ZNF804B: variants seen among roughly 807,000 people sequenced by gnomAD.
ZNF804B encodes zinc finger 804B.
In ZNF804B, 80 loss-of-function variants were observed where a neutral mutation model predicts 101.4. That is an observed-to-expected ratio of 0.79 (90% CI 0.66 to 0.95). The LOEUF (loss-of-function observed/expected upper bound fraction) is 0.95, where lower values mean the gene tolerates loss of function less well. ZNF804B is among the 40% of genes least tolerant of loss of function. The probability of loss-of-function intolerance (pLI) is 0.00; values close to 1 mark genes in which losing one functional copy is unlikely to be tolerated. For missense variants in ZNF804B, 1,673 were observed against 1,561.9 expected, an observed-to-expected ratio of 1.07 and a Z score of -1.20; for synonymous variants, 622 against 558.8, an observed-to-expected ratio of 1.11 and a Z score of -1.59.
At chr7:89,007,508 AAT>A (rs1468155559) in intron 1 of ZNF804B, among the ~76,000 whole-genome samples, 42 of 7,746 alleles carry the variant, frequency 5.4e-3, no homozygotes, top group African/African-American at 9.9e-3. Flanking sequence ...TAATACATAT[AAT>A]TATATATAAT....
intron 1 of ZNF804B, among the ~76,000 whole-genome samples, chr7:89,142,743 AT>A (rs901407295): frequency 6.6e-6 from 1 of 151,910 alleles, no homozygotes; most frequent in African/African-American, 2.4e-5. Context: ...GATGTTGGCT[AT>A]TTTTTTGTGC....
chr7:88,835,953 T>A (rs1454273993), intron 1 of ZNF804B, among the ~76,000 whole-genome samples: 3 of 151,958 alleles, frequency 2.0e-5, no homozygotes, highest in African/African-American at 4.8e-5. Context: ...GGATTAAATT[T>A]GAGTGAGCCA....
At chr7:89,316,524 A>C (rs1207511685) in intron 2 of ZNF804B, among the ~76,000 whole-genome samples, 1 of 152,278 alleles carries the variant, frequency 6.6e-6, no homozygotes, top group East Asian at 1.9e-4. Context: ...GAAAAGCCAC[A>C]AACGCAGAAA....
At chr7:88,889,570 G>C (rs1405218329) in intron 1 of ZNF804B, among the ~76,000 whole-genome samples, 2 of 152,140 alleles carry the variant, frequency 1.3e-5, no homozygotes, top group Non-Finnish European at 2.9e-5. Flanking sequence ...TGTGATGTTT[G>C]TTGGCCATTT....
rs543195651 is a variant in ZNF804B at position 88,779,422 on chromosome 7, C to T, written c.108+19338C>T. ...CTCACTGTCTGTTCTCTCCTTTTTCCGCTAGTAACTCCTGTGAATATTCTC... is the reference window on the plus strand; with the variant it reads ...CTCACTGTCTGTTCTCTCCTTTTTCTGCTAGTAACTCCTGTGAATATTCTC... On this transcript the variant is annotated intron_variant, in intron 1 of 3. Transcript: ENST00000333190. 7.6e-4 allele frequency among the ~76,000 whole-genome samples: 115 copies of T among 152,216 alleles called. 1 individual carries two copies. Among genetic ancestry groups the T allele is most frequent in the African/African-American group, 2.6e-3 (110 of 41,534 alleles).
At chr7:88,843,124 T>C (rs1183232431) in intron 1 of ZNF804B, among the ~76,000 whole-genome samples, 1 of 152,184 alleles carries the variant, frequency 6.6e-6, no homozygotes, top group Non-Finnish European at 1.5e-5. Context: ...AAAGTATCTT[T>C]TGGAAAATAC....
intron 1 of ZNF804B, among the ~76,000 whole-genome samples, chr7:89,014,290 C>A (rs1788506864): frequency 6.6e-6 from 1 of 151,830 alleles, no homozygotes; most frequent in Non-Finnish European, 1.5e-5. Context: ...TTTACGTTTC[C>A]CTGATGATTA....
chr7:89,048,209 C>CACAT (rs1270310172), intron 1 of ZNF804B, among the ~76,000 whole-genome samples: 1 of 150,080 alleles, frequency 6.7e-6, no homozygotes. Flanking sequence ...CACAAACACA[C>CACAT]ACACACACAC....
At position 88,809,912 on chromosome 7, in the gene ZNF804B, G is replaced by A. The variant is rs544383590; in HGVS notation, c.108+49828G>A. 3.9e-5 allele frequency among the ~76,000 whole-genome samples: 6 copies of A among 152,248 alleles called. No homozygotes were observed. In the South Asian group the frequency reaches 6.2e-4, roughly 16 times the overall value. On this transcript the variant is annotated intron_variant, in intron 1 of 3. Transcript: ENST00000333190. ...TTTCTGAGACCAAAGGCCAAGTAGC[G>A]ATGGACCAACCTGAGAAATTGCTCT... is the stretch of plus-strand genomic sequence containing the variant.
intron 1 of ZNF804B, among the ~76,000 whole-genome samples, chr7:88,970,175 T>C (rs1457010251): frequency 6.6e-6 from 1 of 151,702 alleles, no homozygotes; most frequent in African/African-American, 2.4e-5. Context: ...TTAAGTGACA[T>C]TATTGTATAA....
At chr7:88,997,435 T>G (rs1366616530) in intron 1 of ZNF804B, among the ~76,000 whole-genome samples, 1 of 152,148 alleles carries the variant, frequency 6.6e-6, no homozygotes, top group Non-Finnish European at 1.5e-5. Context: ...TATTTTTGTT[T>G]TATCATAGAA....
At chr7:89,144,505 A>G (rs190217770) in intron 1 of ZNF804B, among the ~76,000 whole-genome samples, 111 of 152,126 alleles carry the variant, frequency 7.3e-4, no homozygotes, top group South Asian at 2.7e-3. Context: ...AGTGGAACTA[A>G]TAGGAATGCA....
At chr7:88,868,769 C>A (rs989303418) in intron 1 of ZNF804B, among the ~76,000 whole-genome samples, 1 of 152,202 alleles carries the variant, frequency 6.6e-6, no homozygotes, top group Non-Finnish European at 1.5e-5. Context: ...GTAGTTGAAT[C>A]TGCTAAGTCA....
intron 1 of ZNF804B, among the ~76,000 whole-genome samples, chr7:89,128,945 G>T (rs546078995): frequency 1.3e-5 from 2 of 152,076 alleles, no homozygotes; most frequent in South Asian, 4.1e-4. Context: ...ATGTTTGGTT[G>T]AGTGTTTCTG....
intron 2 of ZNF804B, among the ~76,000 whole-genome samples, chr7:89,258,062 A>C (rs1334747337): frequency 1.3e-5 from 2 of 152,144 alleles, no homozygotes; most frequent in African/African-American, 2.4e-5. Context: ...CTGAAGACTG[A>C]ACATATTTGG....
chr7:88,843,947 A>T (rs1245002020), intron 1 of ZNF804B, among the ~76,000 whole-genome samples: 1 of 152,152 alleles, frequency 6.6e-6, no homozygotes, highest in Non-Finnish European at 1.5e-5. Flanking sequence ...GTTTATAAAG[A>T]TTAAAAAATT....
At chr7:88,780,058 C>G (rs1790199760) in intron 1 of ZNF804B, among the ~76,000 whole-genome samples, 1 of 151,936 alleles carries the variant, frequency 6.6e-6, no homozygotes, top group South Asian at 2.1e-4. Context: ...AAAGATAAAA[C>G]TTATATGAAA....
intron 1 of ZNF804B, among the ~76,000 whole-genome samples, chr7:88,773,573 A>G (rs1167331936): frequency 6.6e-6 from 1 of 152,206 alleles, no homozygotes; most frequent in Non-Finnish European, 1.5e-5. Flanking sequence ...AAGTAACACT[A>G]CTTGGATAAA....
At chr7:89,281,976 C>T (rs1208872) in intron 2 of ZNF804B, among the ~76,000 whole-genome samples, 36,605 of 151,668 alleles carry the variant, frequency 0.24, 4,655 homozygotes, top group Non-Finnish European at 0.27. Flanking sequence ...CCGAGGCGGG[C>T]GGATCACGAG....
Sources: allele counts gnomAD v4.1 joint callset (sites outside exome capture counted in the v4.1 genomes callset), GRCh38; gene constraint gnomAD v4.1.1; transcripts MANE v1.5; gene names NCBI Gene and HGNC (gene_info 2026-07-23, HGNC 2026-07-21).